Variants in SNTB2 observed in about 807,000 individuals in gnomAD.
SNTB2 encodes syntrophin beta 2.
SNTB2 carries 34 observed loss-of-function variants against 46.2 expected under a neutral mutation model. That is an observed-to-expected ratio of 0.74 (90% CI 0.56 to 0.98). SNTB2 has a LOEUF of 0.98. Ranked by LOEUF, SNTB2 falls within the 50% of genes least tolerant of loss-of-function variation. SNTB2 has a pLI of 0.00. For synonymous variants in SNTB2, 290 were observed against 312.6 expected, an observed-to-expected ratio of 0.93 and a Z score of 0.76; for missense variants, 603 against 731.4, an observed-to-expected ratio of 0.82 and a Z score of 2.02.
At chr16:69,279,572 C>T (rs2143144759) in intron 4 of SNTB2, among the ~76,000 whole-genome samples, 1 of 123,102 alleles carries the variant, frequency 8.1e-6, no homozygotes, top group Middle Eastern at 6.8e-3. Context: ...GTCGCCCAGG[C>T]TGGAGTGCAG....
intron 3 of SNTB2, among the ~76,000 whole-genome samples, chr16:69,262,162 A>C (rs754854792): frequency 4.6e-5 from 7 of 152,238 alleles, no homozygotes; most frequent in Admixed American, 1.3e-4. Context: ...AGATAAGGAT[A>C]TCAACATTAT....
intron 1 of SNTB2, among the ~76,000 whole-genome samples, chr16:69,231,923 A>C (rs577293809): frequency 1.3e-5 from 2 of 152,314 alleles, no homozygotes; most frequent in Admixed American, 1.3e-4. Context: ...AATTCAATTA[A>C]GAAATTTTTA....
intron 2 of SNTB2, among the ~76,000 whole-genome samples, chr16:69,249,704 A>G (rs566046983): frequency 6.6e-6 from 1 of 152,300 alleles, no homozygotes; most frequent in Non-Finnish European, 1.5e-5. Flanking sequence ...AGTCTACTCG[A>G]CCATGGCATG....
chr16:69,292,391 T>A (rs796194644), intron 5 of SNTB2, among the ~76,000 whole-genome samples: 7 of 10,034 alleles, frequency 7.0e-4, no homozygotes, highest in African/African-American at 4.1e-3. Flanking sequence ...ATATATATAT[T>A]ATATATATAT....
At chr16:69,280,965 T>A (rs1965037225) in intron 4 of SNTB2, among the ~76,000 whole-genome samples, 1 of 152,036 alleles carries the variant, frequency 6.6e-6, no homozygotes, top group Non-Finnish European at 1.5e-5. Context: ...GCCCGGCTAA[T>A]TTTTTGTATT....
intron 1 of SNTB2, chr16:69,240,777 A>T (rs541927873): frequency 2.0e-5 from 3 of 152,378 alleles, no homozygotes; most frequent in African/African-American, 7.2e-5. Context: ...CATTTATCCA[A>T]ATATGTGTGT....
intron 4 of SNTB2, among the ~76,000 whole-genome samples, chr16:69,280,586 G>A (rs896130131): frequency 6.8e-6 from 1 of 146,262 alleles, no homozygotes; most frequent in African/African-American, 2.6e-5. Flanking sequence ...GCCGGGCGGG[G>A]GGCTGAACCC....
rs1036658072 is a variant in SNTB2, at chr16:69,305,994, A to C, written c.*5070A>C. 1.3e-5 allele frequency: 2 copies of C among 152,204 alleles called. No individual in the cohort carries two copies. The highest frequency in any genetic ancestry group is 1.3e-4 in the Admixed American group (2 of 15,282). The allele number at this position is 152,204 out of a possible 1,614,324, so 9.4% of individuals were successfully genotyped here. A position where few individuals can be genotyped will look rare whatever the true frequency, so the allele number is the denominator to read the frequency against. On this transcript the variant is annotated 3_prime_UTR_variant, in exon 7 of 7. Coordinates refer to ENST00000336278, the MANE Select transcript of SNTB2 (RefSeq NM_006750.4). The stretch of plus-strand genomic sequence containing the variant: ...GTGTGATGATAGTTCTAAAATAATT[A>C]TGCTATATATCAGGGTTCTGTATTT...
Position 69,257,155 on chromosome 16 carries a change from G to A in SNTB2, c.795-2895G>A, listed in dbSNP as rs919786756. On this transcript the variant is annotated intron_variant, in intron 2 of 6. Coordinates refer to ENST00000336278, the MANE Select transcript of SNTB2 (RefSeq NM_006750.4). ...CACTGTACTCCAGCCTGGGCGAAGAGCGAGACTCCATCTCAAAAAAAAAAA... is the reference window on the plus strand; with the variant it reads ...CACTGTACTCCAGCCTGGGCGAAGAACGAGACTCCATCTCAAAAAAAAAAA... Among the ~76,000 whole-genome samples, 4 of 146,832 alleles carry A rather than the reference G, an allele frequency of 2.7e-5. No individual in the cohort carries two copies. In the Admixed American group the frequency reaches 2.7e-4, roughly 10 times the overall value.
chr16:69,244,264 A>C (rs1329541437), intron 1 of SNTB2, among the ~76,000 whole-genome samples: 5 of 152,214 alleles, frequency 3.3e-5, no homozygotes, highest in Non-Finnish European at 7.3e-5. Context: ...AACCTTATTA[A>C]ATAAAAAAAC....
intron 4 of SNTB2, among the ~76,000 whole-genome samples, chr16:69,278,570 C>G (rs1965004307): frequency 6.6e-6 from 1 of 151,928 alleles, no homozygotes; most frequent in South Asian, 2.1e-4. Flanking sequence ...ATTCTCCTGC[C>G]TCAGCCTCCC....
At chr16:69,227,841 ATTTTTTTT>A (rs60387965) in intron 1 of SNTB2, among the ~76,000 whole-genome samples, 66 of 115,884 alleles carry the variant, frequency 5.7e-4, no homozygotes, top group South Asian at 9.1e-4. Context: ...GTTTCTCTGG[ATTTTTTTT>A]TTTTTTTTTT....
chr16:69,192,259 A>G (rs1302337344), intron 1 of SNTB2, among the ~76,000 whole-genome samples: 2 of 152,216 alleles, frequency 1.3e-5, no homozygotes, highest in Non-Finnish European at 2.9e-5. Context: ...GATTCAATTC[A>G]AGAGATACTT....
chr16:69,234,717 TTTC>T (rs1291173382), intron 1 of SNTB2, among the ~76,000 whole-genome samples: 1 of 151,854 alleles, frequency 6.6e-6, no homozygotes, highest in African/African-American at 2.4e-5. Context: ...TTTTTTTTTT[TTTC>T]GAGACCAAGT....
chr16:69,288,247 T>G (rs1430367147), intron 5 of SNTB2, among the ~76,000 whole-genome samples: 1 of 152,178 alleles, frequency 6.6e-6, no homozygotes, highest in Non-Finnish European at 1.5e-5. Flanking sequence ...CATTTTTTAG[T>G]TCATGTTGTT....
rs375435796 is a variant in SNTB2, at chr16:69,250,615, A to T, written c.794+4800A>T. On this transcript the variant is annotated intron_variant, in intron 2 of 6. Transcript: ENST00000336278. ...GAGAATAAATAATATCTATAAAATA[A>T]CTCAGGGCTGGGGGCTCATGCCTGT... is the stretch of plus-strand genomic sequence containing the variant. 8.5e-5 allele frequency among the ~76,000 whole-genome samples: 13 copies of T among 152,240 alleles called. No individual in the cohort carries two copies. The South Asian group carries it at 2.7e-3, about 32-fold the overall frequency.
At chr16:69,297,446 T>C (rs1965237273) in intron 5 of SNTB2, among the ~76,000 whole-genome samples, 1 of 150,410 alleles carries the variant, frequency 6.6e-6, no homozygotes, top group African/African-American at 2.5e-5. Context: ...GGTGAAACCC[T>C]GTCTCTACTA....
At chr16:69,225,498 TAGTA>T (rs777589281) in intron 1 of SNTB2, among the ~76,000 whole-genome samples, 3 of 152,244 alleles carry the variant, frequency 2.0e-5, no homozygotes, top group Admixed American at 6.5e-5. Context: ...GGAAAAACAT[TAGTA>T]AGTATTTTTA....
intron 5 of SNTB2, among the ~76,000 whole-genome samples, chr16:69,288,452 T>C (rs965271331): frequency 2.0e-5 from 3 of 152,202 alleles, no homozygotes; most frequent in Non-Finnish European, 4.4e-5. Context: ...TTTTTTTAAA[T>C]CAACTTCCCT....
Sources: allele counts gnomAD v4.1 joint callset (sites outside exome capture counted in the v4.1 genomes callset), GRCh38; gene constraint gnomAD v4.1.1; transcripts MANE v1.5; gene names NCBI Gene and HGNC (gene_info 2026-07-23, HGNC 2026-07-21).